Variants in DTNA observed in about 807,000 individuals in gnomAD.
The protein encoded by DTNA is dystrobrevin alpha.
Under a neutral mutation model 100.7 loss-of-function variants are expected in DTNA, and 43 were observed. That is an observed-to-expected ratio of 0.43 (90% CI 0.33 to 0.55). The LOEUF (loss-of-function observed/expected upper bound fraction) is 0.55, where lower values mean the gene tolerates loss of function less well. DTNA is among the 20% of genes least tolerant of loss of function. The pLI is 0.04. For missense variants in DTNA, 798 were observed against 953.9 expected (o/e 0.84, Z 2.15); for synonymous variants, 349 against 347.9 (o/e 1.00, Z -0.04).
chr18:34,615,263 G>C (rs1266810715), intron 1 of DTNA, among the ~76,000 whole-genome samples: 2 of 152,026 alleles, frequency 1.3e-5, no homozygotes, highest in Non-Finnish European at 2.9e-5. Context: ...AATCTCACAA[G>C]AACCCACTAT....
intron 19 of DTNA, among the ~76,000 whole-genome samples, chr18:34,878,855 A>G (rs910397252): frequency 3.3e-5 from 5 of 152,234 alleles, no homozygotes; most frequent in Non-Finnish European, 7.3e-5. Context: ...TGGCAAGACT[A>G]TGGTCTTACA....
rs528576506 is a variant in DTNA, at chr18:34,602,373, C to T, written c.-2+108859C>T. Among the ~76,000 whole-genome samples, 8 of 152,182 alleles carry T rather than the reference C, an allele frequency of 5.3e-5. No individual in the cohort carries two copies. The East Asian group carries it at 1.5e-3, about 29-fold the overall frequency. ...AAATGAATTTGGAACATGCTGTATA[C>T]CGTATCCCTTTCTTGGAGATTTAGG... On this transcript the variant is annotated intron_variant, in intron 1 of 19. Coordinates refer to the DTNA transcript ENST00000283365.
chr18:34,748,583 T>C (rs35467709), intron 1 of DTNA, among the ~76,000 whole-genome samples: 11,300 of 152,244 alleles, frequency 0.074, 486 homozygotes, highest in African/African-American at 0.091. Flanking sequence ...CTAATTTATG[T>C]TTTGTATGCT....
At chr18:34,585,593 G>A (rs1003396184) in intron 1 of DTNA, among the ~76,000 whole-genome samples, 6 of 152,086 alleles carry the variant, frequency 3.9e-5, no homozygotes, top group African/African-American at 1.4e-4. Context: ...TGACAGGGAG[G>A]CAGGAAAGAA....
intron 17 of DTNA, chr18:34,867,062 C>T (rs1024215111): frequency 2.4e-6 from 3 of 1,229,382 alleles, no homozygotes; most frequent in Non-Finnish European, 3.0e-6. Context: ...AGTGCATGTA[C>T]CACGCTATGT....
chr18:34,501,074 A>G (rs932398345), intron 1 of DTNA, among the ~76,000 whole-genome samples: 9 of 152,202 alleles, frequency 5.9e-5, no homozygotes, highest in Non-Finnish European at 1.2e-4. Flanking sequence ...TGCATTAAGT[A>G]TAATGTTATC....
intron 1 of DTNA, chr18:34,574,636 T>C (rs1185809871): frequency 6.6e-6 from 1 of 152,078 alleles, no homozygotes; most frequent in East Asian, 1.9e-4. Flanking sequence ...TTTATTGTTA[T>C]TATTATTATT....
chr18:34,592,646 C>T (rs1269813166), intron 1 of DTNA, among the ~76,000 whole-genome samples: 1 of 152,006 alleles, frequency 6.6e-6, no homozygotes, highest in Non-Finnish European at 1.5e-5. Flanking sequence ...AAGTTTTTCT[C>T]TAACAGAAAA....
At position 34,753,369 on chromosome 18, in the gene DTNA, T is replaced by TTATTTTA. The variant is rs1239446995; in HGVS notation, c.-1-2606_-1-2605insATTTTAT. On this transcript the variant is annotated intron_variant, in intron 1 of 22. Coordinates refer to ENST00000444659, the MANE Select transcript of DTNA (RefSeq NM_001386795.1). ...TATTTATTTATTTATTTATTTTATTTTTTTTTTTTTTTTATTTTTTATTTT... is the reference window on the plus strand; with the variant it reads ...TATTTATTTATTTATTTATTTTATTTTATTTTATTTTTTTTTTTTTATTTTTTATTTT... Among the ~76,000 whole-genome samples, 107 of 93,268 alleles carry TTATTTTA rather than the reference T, an allele frequency of 1.1e-3. 2 individuals are homozygous for TTATTTTA. Among genetic ancestry groups the TTATTTTA allele is most frequent in the African/African-American group, 6.1e-3 (100 of 16,408 alleles). The allele number at this position is 93,268 out of a possible 152,430, so 61.2% of individuals were successfully genotyped here. A position where few individuals can be genotyped will look rare whatever the true frequency, so the allele number is the denominator to read the frequency against.
intron 6 of DTNA, among the ~76,000 whole-genome samples, chr18:34,813,292 C>A (rs573161940): frequency 6.6e-6 from 1 of 151,364 alleles, no homozygotes; most frequent in South Asian, 2.1e-4. Context: ...CATAGGGAAA[C>A]CCCATTTCTA....
intron 1 of DTNA, among the ~76,000 whole-genome samples, chr18:34,741,779 G>A (rs1040597163): frequency 6.6e-6 from 1 of 152,110 alleles, no homozygotes; most frequent in African/African-American, 2.4e-5. Flanking sequence ...GTACTTATCT[G>A]ATATTGGTCA....
chr18:34,840,198 G>A (rs770493474), intron 13 of DTNA, among the ~76,000 whole-genome samples: 2 of 152,078 alleles, frequency 1.3e-5, no homozygotes, highest in South Asian at 2.1e-4. Flanking sequence ...TGTTTAAGGG[G>A]ATAAAAATGC....
intron 1 of DTNA, among the ~76,000 whole-genome samples, chr18:34,638,872 G>A (rs928676581): frequency 5.3e-5 from 8 of 151,926 alleles, no homozygotes; most frequent in African/African-American, 9.7e-5. Flanking sequence ...GTGGAGTTTC[G>A]CTCTTGCTGC....
At chr18:34,563,385 G>A (rs1047876115) in intron 1 of DTNA, among the ~76,000 whole-genome samples, 1 of 152,300 alleles carries the variant, frequency 6.6e-6, no homozygotes, top group South Asian at 2.1e-4. Context: ...CAACCCTGCT[G>A]ACATCTTGAT....
At chr18:34,852,028 G>T in intron 15 of DTNA, 100 bp downstream of exon 15, 2 of 1,166,888 alleles carry the variant, frequency 1.7e-6, no homozygotes, top group Non-Finnish European at 2.5e-6. Context: ...ACCCTGTATG[G>T]CTACTCAAGG....
intron 1 of DTNA, among the ~76,000 whole-genome samples, chr18:34,593,048 G>A (rs2049919653): frequency 6.6e-6 from 1 of 152,218 alleles, no homozygotes; most frequent in African/African-American, 2.4e-5. Context: ...GTTTCTGGCA[G>A]TGAGTAGGGG....
chr18:34,666,688 C>T (rs1232936296), intron 1 of DTNA, among the ~76,000 whole-genome samples: 3 of 152,098 alleles, frequency 2.0e-5, no homozygotes, highest in Non-Finnish European at 2.9e-5. Flanking sequence ...AATCCTTTCC[C>T]CATTTCTTGT....
At chr18:34,783,493 C>A (rs995029594) in intron 3 of DTNA, among the ~76,000 whole-genome samples, 2 of 152,186 alleles carry the variant, frequency 1.3e-5, no homozygotes, top group Non-Finnish European at 2.9e-5. Flanking sequence ...ATGCTTCTCT[C>A]TAAGGATCCT....
chr18:34,884,245 G>T (rs982481459), intron 21 of DTNA, among the ~76,000 whole-genome samples: 1 of 152,092 alleles, frequency 6.6e-6, no homozygotes, highest in Non-Finnish European at 1.5e-5. Context: ...AATTCTAGGG[G>T]TTCTTTTTTT....
Sources: allele counts gnomAD v4.1 joint callset (sites outside exome capture counted in the v4.1 genomes callset), GRCh38; gene constraint gnomAD v4.1.1; transcripts MANE v1.5; gene names NCBI Gene and HGNC (gene_info 2026-07-23, HGNC 2026-07-21).